The following DOCK9 variants were observed in gnomAD, a reference collection of about 807,000 sequenced individuals.
DOCK9 encodes the protein dedicator of cytokinesis protein 9.
A neutral mutation model predicts 263.3 loss-of-function variants in DOCK9; 89 were observed. That is an observed-to-expected ratio of 0.34 (90% CI 0.28 to 0.40). DOCK9 has a LOEUF of 0.40. Ranked by LOEUF, DOCK9 falls within the 10% of genes least tolerant of loss-of-function variation. The pLI, the probability that DOCK9 is intolerant of heterozygous loss-of-function variation, is 1.00. For synonymous variants in DOCK9, 976 were observed against 973.1 expected, an observed-to-expected ratio of 1.00 and a Z score of -0.06; for missense variants, 2,140 against 2,603.4, an observed-to-expected ratio of 0.82 and a Z score of 3.87.
intron 2 of DOCK9, among the ~76,000 whole-genome samples, chr13:98,953,652 C>T (rs1205259738): frequency 6.6e-6 from 1 of 152,212 alleles, no homozygotes; most frequent in Non-Finnish European, 1.5e-5. Flanking sequence ...GACAACACTA[C>T]AGGAAAATCT....
At chr13:98,931,789 G>A (rs1170456893) in intron 2 of DOCK9, among the ~76,000 whole-genome samples, 2 of 150,936 alleles carry the variant, frequency 1.3e-5, no homozygotes, top group East Asian at 1.9e-4. Flanking sequence ...GTACAGATGG[G>A]GTTTCACCAT....
rs1248903555 is a variant in DOCK9 at position 98,988,432 on chromosome 13, G to A, written c.130-32881C>T. On this transcript the variant is annotated intron_variant, in intron 1 of 32. Transcript: ENST00000427887. ...GGATAAGCACTGTATCTGGTCCTCC[G>A]TCCACCCTGAGACAGGTCTCTTATT... Among the ~76,000 whole-genome samples, 7 of 152,216 alleles carry A rather than the reference G, an allele frequency of 4.6e-5. No individual in the cohort carries two copies. The East Asian group carries it at 7.7e-4, about 17-fold the overall frequency.
chr13:98,821,132 G>C (rs2092248239), intron 45 of DOCK9, among the ~76,000 whole-genome samples: 1 of 152,180 alleles, frequency 6.6e-6, no homozygotes, highest in African/African-American at 2.4e-5. Flanking sequence ...TTTCCCTCTG[G>C]AGCTCCTCTG....
chr13:98,949,105 C>T (rs564375208), intron 2 of DOCK9, among the ~76,000 whole-genome samples: 21 of 152,216 alleles, frequency 1.4e-4, no homozygotes, highest in African/African-American at 4.8e-4. Flanking sequence ...CAGGGTTTCC[C>T]TCTGTCACCC....
At chr13:99,083,199 G>A (rs1041677588) in intron 1 of DOCK9, among the ~76,000 whole-genome samples, 2 of 151,518 alleles carry the variant, frequency 1.3e-5, no homozygotes, top group African/African-American at 4.9e-5. Context: ...AGGTTGCAGT[G>A]AGCCGAGATC....
chr13:99,068,761 T>C (rs934574137), intron 1 of DOCK9, among the ~76,000 whole-genome samples: 1 of 150,332 alleles, frequency 6.7e-6, no homozygotes, highest in Non-Finnish European at 1.5e-5. Flanking sequence ...CGAAGGAAAA[T>C]AAAAATGGCA....
chr13:98,880,604 G>C lies in DOCK9; in HGVS notation c.2814C>G (p.Ser938=), dbSNP rs772368293. The C allele has an allele frequency of 6.2e-7, 1 of 1,613,796 alleles. No individual in the cohort carries two copies. The highest frequency in any genetic ancestry group is 1.7e-5 in the Admixed American group (1 of 59,996). ...CAGAAGGCTTGAGAATCGTGGTCAT[G>C]GATTTGGTCAGTTCTTCATGCACTG... is the stretch of plus-strand genomic sequence containing the variant. ...YKTVHEELTK[S]MTTILKPSAD... Residue 938 remains serine, a synonymous_variant, in exon 26 of 53, where the codon TCC becomes TCG. Coordinates refer to ENST00000682017, the MANE Select transcript of DOCK9 (RefSeq NM_001366683.2).
intron 1 of DOCK9, among the ~76,000 whole-genome samples, chr13:99,045,864 G>A (rs910370505): frequency 3.9e-5 from 6 of 151,950 alleles, no homozygotes; most frequent in East Asian, 1.9e-4. Context: ...AGGCTGAGGC[G>A]GGCGGATCAT....
chr13:98,872,421 T>TG (rs935857446), intron 27 of DOCK9, among the ~76,000 whole-genome samples: 5 of 151,872 alleles, frequency 3.3e-5, no homozygotes, highest in African/African-American at 7.3e-5. Context: ...TTTTGTTTTT[T>TG]TTTGAGACAA....
rs772228681 is a variant in DOCK9, at chr13:98,925,856, C to G, written c.397G>C (p.Glu133Gln). 9 of 1,576,282 alleles carry G rather than the reference C, an allele frequency of 5.7e-6. No individual in the cohort carries two copies. In the South Asian group the frequency reaches 5.8e-5, roughly 10 times the overall value. ...VNYKYEDYSG[E>Q]FRQLPNKVVK... ...ACTCACTTCGGAAGCTGTCGAAACT[C>G]TCCTGAGTAATCTTCATATTTATAG... is the stretch of plus-strand genomic sequence containing the variant. The change falls in exon 4 of 53, where the codon GAG becomes CAG. Residue 133 changes from glutamate (E) to glutamine (Q), a missense_variant. Coordinates refer to ENST00000682017, the MANE Select transcript of DOCK9 (RefSeq NM_001366683.2).
chr13:98,870,457 C>T (rs527847953), intron 27 of DOCK9, among the ~76,000 whole-genome samples: 1 of 152,294 alleles, frequency 6.6e-6, no homozygotes, highest in African/African-American at 2.4e-5. Flanking sequence ...GCAGGCAAGG[C>T]CAACTCTAAC....
At chr13:98,848,227 T>A (rs1169453930) in intron 37 of DOCK9, among the ~76,000 whole-genome samples, 2 of 151,722 alleles carry the variant, frequency 1.3e-5, no homozygotes, top group Non-Finnish European at 2.9e-5. Context: ...CCTTGGAAAG[T>A]CAAACAGAGG....
chr13:98,935,053 G>A (rs894534275), intron 2 of DOCK9, among the ~76,000 whole-genome samples: 2 of 152,160 alleles, frequency 1.3e-5, no homozygotes, highest in African/African-American at 4.8e-5. Context: ...AGAAGCACAG[G>A]ATGATATGAG....
chr13:99,038,602 G>A (rs776251878), intron 1 of DOCK9, among the ~76,000 whole-genome samples: 2 of 151,964 alleles, frequency 1.3e-5, no homozygotes, highest in African/African-American at 2.4e-5. Context: ...CACCACGTCC[G>A]GCTTATGCCA....
intron 33 of DOCK9, chr13:98,859,753 G>GTATATATATATATATATATA (rs59435896): frequency 2.3e-5 from 3 of 132,486 alleles, no homozygotes; most frequent in South Asian, 2.6e-4. Context: ...GTGTGTGTGT[G>GTATATATATATATATATATA]TATATATATA....
intron 1 of DOCK9, among the ~76,000 whole-genome samples, chr13:99,048,144 C>T (rs1203222276): frequency 3.3e-5 from 5 of 152,262 alleles, no homozygotes; most frequent in East Asian, 1.9e-4. Flanking sequence ...AATCTTCATA[C>T]GGTGTTTAAA....
At chr13:99,063,065 AC>A (rs1294023636) in intron 1 of DOCK9, among the ~76,000 whole-genome samples, 2 of 152,240 alleles carry the variant, frequency 1.3e-5, no homozygotes, top group African/African-American at 2.4e-5. Flanking sequence ...GACTCAGAAT[AC>A]AAGAGGTCCA....
In DOCK9 at chr13:98,903,067, CT is replaced by C; in HGVS notation, c.1080del (p.Glu361ArgfsTer45). The C allele has an allele frequency of 6.5e-7, 1 of 1,533,104 alleles. No individual in the cohort carries two copies. Among genetic ancestry groups the C allele is most frequent in the South Asian group, 1.3e-5 (1 of 79,870 alleles). 95.0% of individuals were successfully genotyped at this position (1,533,104 alleles called of 1,614,324 possible). A position where few individuals can be genotyped will look rare whatever the true frequency, so the allele number is the denominator to read the frequency against. ...ACAAGGATCCTTTTTCCAAACTTCTCTTCAAATGACTTCACTTCTGGCTCAG... is the reference window on the plus strand; with the variant it reads ...ACAAGGATCCTTTTTCCAAACTTCTCTCAAATGACTTCACTTCTGGCTCAG... ...SSAEPEVKSF[E>X]EKFGKRILVK... On this transcript the variant is annotated frameshift_variant, in exon 11 of 53. Coordinates refer to ENST00000682017, the MANE Select transcript of DOCK9 (RefSeq NM_001366683.2). LOFTEE classifies it high-confidence loss of function.
chr13:98,817,451 C>CTT lies in DOCK9; in HGVS notation c.5130+6945_5130+6946dup, dbSNP rs10683281. Among the ~76,000 whole-genome samples the CTT allele has an allele frequency of 9.1e-4, 89 of 97,598 alleles. 11 individuals are homozygous for CTT. In the South Asian group the frequency reaches 0.033, roughly 36 times the overall value. 64.0% of individuals were successfully genotyped at this position (97,598 alleles called of 152,430 possible). The stretch of plus-strand genomic sequence containing the variant: ...TGTGAGAACAGACTAATACACCCAG[C>CTT]TTTTTTTTTTTTTTTTTTTTTGGTA... On this transcript the variant is annotated intron_variant, in intron 45 of 52. Coordinates refer to ENST00000682017, the MANE Select transcript of DOCK9 (RefSeq NM_001366683.2).
Sources: gnomAD v4.1 joint callset for allele counts (sites outside exome capture counted in the v4.1 genomes callset) on GRCh38, gnomAD v4.1.1 for gene constraint, MANE v1.5 for transcripts, NCBI Gene and HGNC (gene_info 2026-07-23, HGNC 2026-07-21) for gene names.